The following KDM2A variants were observed in gnomAD, a reference collection of about 807,000 sequenced individuals.
The protein encoded by KDM2A is lysine demethylase 2A.
Under a neutral mutation model 137.3 loss-of-function variants are expected in KDM2A, and 3 were observed. The observed-to-expected ratio is 0.02, with a 90% confidence interval of 0.01 to 0.06. KDM2A has a LOEUF of 0.06. KDM2A is among the 10% of genes least tolerant of loss of function. The pLI, the probability that KDM2A is intolerant of heterozygous loss-of-function variation, is 1.00. For missense variants in KDM2A, 738 were observed against 1,510.6 expected (o/e 0.49, Z 8.48); for synonymous variants, 512 against 541.5 (o/e 0.95, Z 0.76).
intron 2 of KDM2A, among the ~76,000 whole-genome samples, chr11:67,134,545 C>T (rs1260724062): frequency 6.6e-6 from 1 of 152,000 alleles, no homozygotes; most frequent in African/African-American, 2.4e-5. Flanking sequence ...CAATCTGTTG[C>T]CGAGGCTGGA....
chr11:67,250,038 T>G lies in KDM2A; in HGVS notation c.2056-48T>G. On this transcript the variant is annotated intron_variant, in intron 16 of 20. Transcript: ENST00000529006. This position sits in a 1 kb window ranked among gnomAD's most constrained non-coding sequence, Gnocchi z 7.1. The stretch of plus-strand genomic sequence containing the variant: ...GGTCCACCCTGTCGGTTCAGAGGGT[T>G]TGGAAGAAAGGAAGCACTGATGTTG... The G allele has an allele frequency of 1.4e-6, 2 of 1,479,228 alleles. No homozygotes were observed. Among genetic ancestry groups the G allele is most frequent in the African/African-American group, 2.8e-5 (2 of 71,518 alleles). The allele number at this position is 1,479,228 out of a possible 1,614,324, so 91.6% of individuals were successfully genotyped here. A position where few individuals can be genotyped will look rare whatever the true frequency, so the allele number is the denominator to read the frequency against.
intron 6 of KDM2A, among the ~76,000 whole-genome samples, chr11:67,208,779 A>AG (rs1475300854): frequency 6.6e-6 from 1 of 151,570 alleles, no homozygotes; most frequent in Admixed American, 6.6e-5. Flanking sequence ...AAAAAAAAAA[A>AG]AAAAAAAATT....
chr11:67,217,802 G>A lies in KDM2A; in HGVS notation c.759G>A (p.Gln253=), dbSNP rs1213210978. 1 of 1,613,494 alleles carries A rather than the reference G, an allele frequency of 6.2e-7. No individual in the cohort carries two copies. Among genetic ancestry groups the A allele is most frequent in the African/African-American group, 1.3e-5 (1 of 74,898 alleles). The change falls in exon 9 of 21, where the codon CAG becomes CAA. Residue 253 remains glutamine, a synonymous_variant. Transcript: ENST00000529006. Reference sequence around the variant, plus strand: ...AGAATTGGCTGCTGTCAGGGAAACAGGGAGACATCTTTCTGGGTGACCGGG... The same window carrying A: ...AGAATTGGCTGCTGTCAGGGAAACAAGGAGACATCTTTCTGGGTGACCGGG... ...LYENWLLSGK[Q]GDIFLGDRVS...
chr11:67,145,338 A>G (rs188434417), intron 2 of KDM2A, among the ~76,000 whole-genome samples: 39 of 151,590 alleles, frequency 2.6e-4, no homozygotes, highest in Non-Finnish European at 4.7e-4. Context: ...CACACACACA[A>G]AATTAGCCAG....
intron 2 of KDM2A, among the ~76,000 whole-genome samples, chr11:67,156,271 G>T (rs1419187759): frequency 6.7e-6 from 1 of 149,770 alleles, no homozygotes; most frequent in Non-Finnish European, 1.5e-5. Context: ...AAATCACAAG[G>T]AGGATAATAT....
chr11:67,207,406 T>C (rs999923182), intron 5 of KDM2A, 104 bp from the exon 6 acceptor site: 6 of 843,900 alleles, frequency 7.1e-6, no homozygotes, highest in Admixed American at 3.2e-5. Flanking sequence ...TTATTGAAAA[T>C]AAGAAAGGAC....
intron 5 of KDM2A, among the ~76,000 whole-genome samples, chr11:67,200,461 C>T (rs188311188): frequency 6.6e-6 from 1 of 152,302 alleles, no homozygotes; most frequent in Non-Finnish European, 1.5e-5. Context: ...TCATGATCCG[C>T]CCGCCTCAGC....
At chr11:67,183,414 A>G (rs1049870267) in intron 5 of KDM2A, among the ~76,000 whole-genome samples, 1 of 152,234 alleles carries the variant, frequency 6.6e-6, no homozygotes, top group East Asian at 1.9e-4. Flanking sequence ...TGCTTGTGAT[A>G]TTGTTAAAAA....
At chr11:67,169,680 A>C (rs755410285) in intron 2 of KDM2A, among the ~76,000 whole-genome samples, 4 of 137,526 alleles carry the variant, frequency 2.9e-5, no homozygotes, top group Admixed American at 7.3e-5. Flanking sequence ...TCAGCCCATC[A>C]CTTGGTTTCT....
At chr11:67,153,933 G>A (rs891917034) in intron 2 of KDM2A, among the ~76,000 whole-genome samples, 1 of 151,282 alleles carries the variant, frequency 6.6e-6, no homozygotes, top group Non-Finnish European at 1.5e-5. Context: ...TGAGTTATTT[G>A]AAAGTAATTT....
At chr11:67,152,157 A>T (rs187094179) in intron 2 of KDM2A, among the ~76,000 whole-genome samples, 225 of 152,056 alleles carry the variant, frequency 1.5e-3, no homozygotes, top group African/African-American at 4.9e-3. Flanking sequence ...TCTATTAAAA[A>T]TACCAAAAAG....
At chr11:67,241,045 G>A (rs1031786191) in intron 12 of KDM2A, among the ~76,000 whole-genome samples, 12 of 152,122 alleles carry the variant, frequency 7.9e-5, no homozygotes, top group African/African-American at 2.9e-4. Context: ...TTGAACAATC[G>A]CAGATCTTAC....
rs376899205 is a variant in KDM2A, at chr11:67,215,957, C to T, written c.687+8C>T. The T allele has an allele frequency of 1.2e-6, 2 of 1,608,976 alleles. No individual in the cohort carries two copies. The highest frequency in any genetic ancestry group is 3.3e-5 in the Admixed American group (2 of 59,986). On this transcript the variant is annotated splice_region_variant and intron_variant, in intron 8 of 20. Coordinates refer to ENST00000529006, the MANE Select transcript of KDM2A (RefSeq NM_012308.3). ...ATCCATCAAGGGGGAAAGGTATGGTCATAGTTGTGATAGGGGTTGGAATCT... is the reference window on the plus strand; with the variant it reads ...ATCCATCAAGGGGGAAAGGTATGGTTATAGTTGTGATAGGGGTTGGAATCT...
chr11:67,125,445 A>G (rs1855698532), intron 2 of KDM2A, among the ~76,000 whole-genome samples: 1 of 151,716 alleles, frequency 6.6e-6, no homozygotes, highest in African/African-American at 2.4e-5. Context: ...CCTCCCAACA[A>G]GTCATTTTTT....
chr11:67,123,573 C>T (rs1827853335), intron 2 of KDM2A, among the ~76,000 whole-genome samples: 1 of 151,928 alleles, frequency 6.6e-6, no homozygotes, highest in Non-Finnish European at 1.5e-5. Flanking sequence ...GTAGTTATTG[C>T]TATATGGAAT....
intron 11 of KDM2A, among the ~76,000 whole-genome samples, chr11:67,231,331 T>C (rs940836534): frequency 6.6e-6 from 1 of 152,168 alleles, no homozygotes; most frequent in African/African-American, 2.4e-5. Flanking sequence ...ACCCAAACTT[T>C]AAAAAATCCA....
chr11:67,173,310 C>A (rs1308993074), intron 2 of KDM2A, among the ~76,000 whole-genome samples: 1 of 152,170 alleles, frequency 6.6e-6, no homozygotes, highest in Non-Finnish European at 1.5e-5. Context: ...TTAGTAGAGA[C>A]GGGGTTTCTC....
chr11:67,201,772 C>CAAAAAA (rs71056184), intron 5 of KDM2A, among the ~76,000 whole-genome samples: 420 of 37,842 alleles, frequency 0.011, 26 homozygotes, highest in East Asian at 0.031. Flanking sequence ...GACTCCATCT[C>CAAAAAA]AAAAAAAAAA....
At chr11:67,127,643 C>T (rs948326047) in intron 2 of KDM2A, among the ~76,000 whole-genome samples, 1 of 152,102 alleles carries the variant, frequency 6.6e-6, no homozygotes, top group Non-Finnish European at 1.5e-5. Flanking sequence ...CTTGGTTTAC[C>T]TTTGAAAGTG....
Sources: gnomAD v4.1 joint callset for allele counts (sites outside exome capture counted in the v4.1 genomes callset) on GRCh38, gnomAD v4.1.1 for gene constraint, Gnocchi (gnomAD v3.1) non-coding constraint, MANE v1.5 for transcripts, NCBI Gene and HGNC (gene_info 2026-07-23, HGNC 2026-07-21) for gene names.